Variants in ECSCR observed in about 807,000 individuals in gnomAD.
The protein encoded by ECSCR is endothelial cell surface expressed chemotaxis and apoptosis regulator, also known as endothelial cell-specific chemotaxis regulator.
Under a neutral mutation model 16.7 loss-of-function variants are expected in ECSCR, and 12 were observed. The observed-to-expected ratio is 0.72, with a 90% confidence interval of 0.46 to 1.17. ECSCR has a LOEUF of 1.17. ECSCR is among the 50% of genes most tolerant of loss of function. The probability of loss-of-function intolerance (pLI) is 0.00; values close to 1 mark genes in which losing one functional copy is unlikely to be tolerated. For missense variants in ECSCR, 122 were observed against 116.1 expected, an observed-to-expected ratio of 1.05 and a Z score of -0.23; for synonymous variants, 44 against 42.2, an observed-to-expected ratio of 1.04 and a Z score of -0.17.
Position 139,457,767 on chromosome 5 carries a change from A to G in ECSCR, c.147T>C (p.Ser49=), listed in dbSNP as rs1751191014. The G allele has an allele frequency of 5.6e-6, 9 of 1,612,858 alleles. No individual in the cohort carries two copies. Among genetic ancestry groups the G allele is most frequent in the Non-Finnish European group, 7.6e-6 (9 of 1,179,406 alleles). ...ACCACACTCACTCACCTGGGTTGGA[A>G]GAAACTGGCTCTGTGGTCAGACTTA... ...GGLSLTTEPV[S]SNPGYIPSSE... Residue 49 remains serine, a synonymous_variant, in exon 3 of 10, where the codon TCT becomes TCC. Transcript: ENST00000618155.
rs1411193365 is a variant in ECSCR, at chr5:139,451,510, AGT to A, written c.513-2338_513-2337del. Among the ~76,000 whole-genome samples the A allele has an allele frequency of 2.1e-3, 211 of 100,142 alleles. 1 individual carries two copies. The highest frequency in any genetic ancestry group is 8.0e-3 in the African/African-American group (202 of 25,146). The allele number at this position is 100,142 out of a possible 152,430, so 65.7% of individuals were successfully genotyped here. A position where few individuals can be genotyped will look rare whatever the true frequency, so the allele number is the denominator to read the frequency against. On this transcript the variant is annotated intron_variant, in intron 8 of 9. Coordinates refer to ENST00000618155, the MANE Select transcript of ECSCR (RefSeq NM_001077693.4). ...GTGGTTTGGGTGGGTGTGTGGTGTG[AGT>A]GTGTATAGTATGAAGTGTGTGGTGT...
intron 5 of ECSCR, 59 bp from the exon 6 acceptor site, chr5:139,455,495 C>G: frequency 2.5e-6 from 1 of 396,418 alleles, no homozygotes; most frequent in Non-Finnish European, 4.5e-6. Context: ...GAAGCTAGAG[C>G]TAGCTTCCCT....
intron 1 of ECSCR, among the ~76,000 whole-genome samples, chr5:139,461,312 G>A (rs1751299172): frequency 6.6e-6 from 1 of 152,174 alleles, no homozygotes; most frequent in African/African-American, 2.4e-5. Flanking sequence ...AATCCTCCAA[G>A]TCTCAAGTCT....
chr5:139,457,807 C>T lies in ECSCR; in HGVS notation c.107G>A (p.Gly36Glu), dbSNP rs1196182380. 2 of 1,607,346 alleles carry T rather than the reference C, an allele frequency of 1.2e-6. No individual in the cohort carries two copies. The highest frequency in any genetic ancestry group is 3.4e-5 in the Admixed American group (2 of 58,742). The change falls in exon 3 of 10, where the codon GGA becomes GAA. Residue 36 changes from glycine to glutamate, a missense_variant and splice_region_variant. Gly to Glu is a moderately conservative substitution (Grantham distance 98, BLOSUM62 -2). Transcript: ENST00000618155. ...GGTCAGACTTAGACCGCCAAGGCCT[C>T]CTGAAACAGAACATCTGAGGCTGAG... ...PTMTQTSSSQ[G>E]GLGGLSLTTE...
chr5:139,449,035 A>G (rs987960203), intron 9 of ECSCR, 43 bp downstream of exon 9: 3 of 1,532,500 alleles, frequency 2.0e-6, no homozygotes, highest in African/African-American at 2.7e-5. Context: ...GAGGAAGGGA[A>G]AGGTGAATTT....
intron 1 of ECSCR, 104 bp downstream of exon 1, chr5:139,462,506 C>A: frequency 8.2e-7 from 1 of 1,212,886 alleles, no homozygotes; most frequent in Non-Finnish European, 1.2e-6. Context: ...CCCCTGGGCA[C>A]AGCCCCTGGA....
rs1008709487 is a variant in ECSCR, at chr5:139,457,228, C to G, written c.217+317G>C. Among the ~76,000 whole-genome samples, 248 of 152,274 alleles carry G rather than the reference C, an allele frequency of 1.6e-3. 1 individual carries two copies. Among genetic ancestry groups the G allele is most frequent in the Non-Finnish European group, 2.7e-3 (182 of 68,010 alleles). ...TAAGCCCCACTACTCTCCACCCCAC[C>G]TGGAATAAGCCCCACTACTCTCTAC... On this transcript the variant is annotated intron_variant, in intron 4 of 9. Coordinates refer to ENST00000618155, the MANE Select transcript of ECSCR (RefSeq NM_001077693.4).
intron 8 of ECSCR, among the ~76,000 whole-genome samples, chr5:139,451,606 TG>T (rs1257840513): frequency 5.6e-5 from 8 of 143,620 alleles, no homozygotes; most frequent in East Asian, 2.1e-4. Flanking sequence ...GTGTATGGTA[TG>T]GGGGGATGTG....
Position 139,448,893 on chromosome 5 carries a change from G to C in ECSCR, c.*7C>G. 1 of 1,537,238 alleles carries C rather than the reference G, an allele frequency of 6.5e-7. No individual in the cohort carries two copies. ...ATCCTTGGACTCATGGGGACCCAAA[G>C]TTGCTTTTAAAGAACCTGCAAAATA... is the stretch of plus-strand genomic sequence containing the variant. On this transcript the variant is annotated 3_prime_UTR_variant, in exon 10 of 10. Transcript: ENST00000618155.
intron 1 of ECSCR, among the ~76,000 whole-genome samples, chr5:139,458,890 T>A (rs1013025125): frequency 2.6e-5 from 4 of 151,566 alleles, no homozygotes; most frequent in African/African-American, 9.7e-5. Context: ...ACGTTTTGGC[T>A]TTCTAAGCCT....
chr5:139,455,184 T>TC (rs1184179768), intron 6 of ECSCR, 139 bp downstream of exon 6: 397,125 of 397,130 alleles, frequency 1, 198,560 homozygotes, highest in Middle Eastern at 1. Flanking sequence ...GGGGCCCCCC[T>TC]CCACAAGGGT....
At chr5:139,452,326 GGT>G (rs1180981014) in intron 8 of ECSCR, among the ~76,000 whole-genome samples, 1 of 150,380 alleles carries the variant, frequency 6.6e-6, no homozygotes, top group African/African-American at 2.5e-5. Context: ...TATAGTATGG[GGT>G]GTGTGTGTGT....
At chr5:139,453,931 G>C (rs1052670959) in intron 8 of ECSCR, among the ~76,000 whole-genome samples, 3 of 148,910 alleles carry the variant, frequency 2.0e-5, no homozygotes, top group African/African-American at 7.5e-5. Context: ...TGTGGTATGT[G>C]GGGTGTGTAT....
chr5:139,451,397 G>A (rs1431806004), intron 8 of ECSCR, among the ~76,000 whole-genome samples: 1 of 150,984 alleles, frequency 6.6e-6, no homozygotes, highest in Non-Finnish European at 1.5e-5. Context: ...GGTTTGTGGT[G>A]TGTGTGTGGT....
chr5:139,461,491 A>G (rs2152090457), intron 1 of ECSCR, among the ~76,000 whole-genome samples: 1 of 152,272 alleles, frequency 6.6e-6, no homozygotes, highest in African/African-American at 2.4e-5. Context: ...GACACAGGGC[A>G]TTTGAGAGTG....
Position 139,455,786 on chromosome 5 carries a change from G to C in ECSCR, c.263-350C>G, listed in dbSNP as rs1181659227. Among the ~76,000 whole-genome samples, 9 of 124,280 alleles carry C rather than the reference G, an allele frequency of 7.2e-5. No individual in the cohort carries two copies. In the Admixed American group the frequency reaches 9.3e-4, roughly 13 times the overall value. 81.5% of individuals were successfully genotyped at this position (124,280 alleles called of 152,430 possible). A position where few individuals can be genotyped will look rare whatever the true frequency, so the allele number is the denominator to read the frequency against. ...GAAGTCAGGAGTTTGAGACCAGCCT[G>C]ACCAACATGGTGAAACCCCATCTCT... On this transcript the variant is annotated intron_variant, in intron 5 of 9. Transcript: ENST00000618155.
intron 4 of ECSCR, among the ~76,000 whole-genome samples, chr5:139,457,294 G>A (rs1169388759): frequency 2.1e-4 from 32 of 152,140 alleles, no homozygotes; most frequent in Admixed American, 1.4e-3. Context: ...TTCTCAGCTC[G>A]GCTTCAGAAG....
At chr5:139,449,671 TA>T (rs1394365611) in intron 8 of ECSCR, among the ~76,000 whole-genome samples, 1 of 152,116 alleles carries the variant, frequency 6.6e-6, no homozygotes, top group Admixed American at 6.5e-5. Context: ...TTTTACTACC[TA>T]CTACTTGTTT....
In ECSCR at chr5:139,454,819, A is replaced by G. The variant is rs1039993312; in HGVS notation, c.475+6T>C. 16 of 398,478 alleles carry G rather than the reference A, an allele frequency of 4.0e-5. No homozygotes were observed. The Middle Eastern group carries it at 1.9e-3, about 47-fold the overall frequency. 24.7% of individuals were successfully genotyped at this position (398,478 alleles called of 1,614,324 possible). A position where few individuals can be genotyped will look rare whatever the true frequency, so the allele number is the denominator to read the frequency against. ...GGAAAAAGATCCCCGAGGGCAGGGC[A>G]CGCACCTTCAGACTCCTTGCTCTTC... On this transcript the variant is annotated splice_donor_region_variant and intron_variant, in intron 7 of 9. Transcript: ENST00000618155.
Sources: gnomAD v4.1 joint callset for allele counts (sites outside exome capture counted in the v4.1 genomes callset) on GRCh38, gnomAD v4.1.1 for gene constraint, MANE v1.5 for transcripts, NCBI Gene and HGNC (gene_info 2026-07-23, HGNC 2026-07-21) for gene names.